The following ACACB variants were observed in gnomAD, a reference collection of about 807,000 sequenced individuals.
ACACB encodes the protein acetyl-CoA carboxylase 2.
In ACACB, 209 loss-of-function variants were observed where a neutral mutation model predicts 278.8. That is an observed-to-expected ratio of 0.75 (90% CI 0.67 to 0.84). The LOEUF is 0.84. ACACB is among the 40% of genes least tolerant of loss of function. The pLI is 0.00. For missense variants in ACACB, 2,850 were observed against 3,269.0 expected (o/e 0.87, Z 3.13); for synonymous variants, 1,174 against 1,285.6 (o/e 0.91, Z 1.86).
chr12:109,237,169 CAGA>C lies in ACACB; in HGVS notation c.4455_4457del (p.Glu1485del). The C allele has an allele frequency of 6.2e-7, 1 of 1,614,156 alleles. No individual in the cohort carries two copies. Among genetic ancestry groups the C allele is most frequent in the African/African-American group, 1.3e-5 (1 of 75,022 alleles). ...CTCTCTCTGGTCCGCCTACAGTTTGCAGAAGATCGCATTTACCGTCACTTGGAA... is the reference window on the plus strand; with the variant it reads ...CTCTCTCTGGTCCGCCTACAGTTTGCAGATCGCATTTACCGTCACTTGGAA... On this transcript the variant is annotated inframe_deletion, in exon 34 of 53. Transcript: ENST00000338432.
intron 15 of ACACB, among the ~76,000 whole-genome samples, chr12:109,192,848 A>G (rs539795946): frequency 9.9e-5 from 15 of 152,064 alleles, no homozygotes; most frequent in Non-Finnish European, 1.8e-4. Context: ...CTTTTTGCAT[A>G]GATGGGGTCT....
At chr12:109,238,615 A>AG in intron 34 of ACACB, among the ~76,000 whole-genome samples, 1 of 149,554 alleles carries the variant, frequency 6.7e-6, no homozygotes, top group East Asian at 1.9e-4. Context: ...CCCAGGCTGG[A>AG]GTGCAATGGC....
At chr12:109,128,987 G>A (rs1341522205) in intron 1 of ACACB, among the ~76,000 whole-genome samples, 1 of 151,608 alleles carries the variant, frequency 6.6e-6, no homozygotes, top group Non-Finnish European at 1.5e-5. Flanking sequence ...TTTATTTGTG[G>A]CCTGGACACA....
At chr12:109,260,053 G>C in intron 47 of ACACB, 1 of 1,354,250 alleles carries the variant, frequency 7.4e-7, no homozygotes, top group Non-Finnish European at 9.8e-7. Flanking sequence ...TTGCATTCTT[G>C]TTTTCATGTA....
At chr12:109,227,514 AC>A in intron 28 of ACACB, 25 bp downstream of exon 28, 1 of 1,604,296 alleles carries the variant, frequency 6.2e-7, no homozygotes, top group South Asian at 1.1e-5. Flanking sequence ...ACACCCAGGG[AC>A]GGCCTGTGTT....
intron 24 of ACACB, among the ~76,000 whole-genome samples, chr12:109,217,710 G>A (rs964134848): frequency 2.0e-5 from 3 of 152,076 alleles, no homozygotes; most frequent in Non-Finnish European, 4.4e-5. Flanking sequence ...TGAGGCAGGA[G>A]GATTGCTTGA....
intron 18 of ACACB, 103 bp from the exon 19 acceptor site, chr12:109,201,463 TG>T: frequency 7.1e-7 from 1 of 1,409,466 alleles, no homozygotes; most frequent in Non-Finnish European, 9.8e-7. Flanking sequence ...GGCGCGTCCC[TG>T]GGTAGTGTCC....
chr12:109,260,966 A>G (rs2047361252), intron 48 of ACACB, among the ~76,000 whole-genome samples: 1 of 152,226 alleles, frequency 6.6e-6, no homozygotes, highest in Non-Finnish European at 1.5e-5. Flanking sequence ...TCAGTTTTAT[A>G]TCCCAGGGTC....
At chr12:109,184,242 G>A (rs908534810) in intron 11 of ACACB, among the ~76,000 whole-genome samples, 3 of 151,916 alleles carry the variant, frequency 2.0e-5, no homozygotes, top group Non-Finnish European at 4.4e-5. Flanking sequence ...TAGTAGAGAC[G>A]GGGCTTCACC....
At chr12:109,169,285 C>T (rs1383818046) in intron 4 of ACACB, among the ~76,000 whole-genome samples, 1 of 152,112 alleles carries the variant, frequency 6.6e-6, no homozygotes, top group African/African-American at 2.4e-5. Flanking sequence ...GCCTTCCTGC[C>T]CCAAGCTCTT....
At chr12:109,129,513 A>G (rs998728219) in intron 1 of ACACB, among the ~76,000 whole-genome samples, 1 of 152,208 alleles carries the variant, frequency 6.6e-6, no homozygotes, top group African/African-American at 2.4e-5. Context: ...TGTGGGCATT[A>G]AAAAAATAAT....
chr12:109,227,299 G>A, intron 27 of ACACB, 72 bp from the exon 28 acceptor site: 1 of 1,339,094 alleles, frequency 7.5e-7, no homozygotes, highest in South Asian at 1.3e-5. Context: ...TGTTCCCCGT[G>A]AGTGCCCTCA....
At chr12:109,254,835 C>T (rs1485929141) in intron 44 of ACACB, among the ~76,000 whole-genome samples, 1 of 151,326 alleles carries the variant, frequency 6.6e-6, no homozygotes, top group Non-Finnish European at 1.5e-5. Flanking sequence ...AGTGCAGTGG[C>T]GCGATCTTGG....
chr12:109,189,564 C>T (rs2044789106), intron 13 of ACACB, among the ~76,000 whole-genome samples: 1 of 152,158 alleles, frequency 6.6e-6, no homozygotes, highest in South Asian at 2.1e-4. Context: ...GTTTTCCTGG[C>T]ACCGGTTTCT....
chr12:109,122,285 C>T (rs996149463), intron 1 of ACACB, among the ~76,000 whole-genome samples: 2 of 152,206 alleles, frequency 1.3e-5, no homozygotes, highest in African/African-American at 4.8e-5. Flanking sequence ...TGCTACTGGT[C>T]TCACAAGGTG....
chr12:109,210,417 GTA>G (rs1202764650), intron 21 of ACACB, among the ~76,000 whole-genome samples: 1 of 140,214 alleles, frequency 7.1e-6, no homozygotes, highest in Non-Finnish European at 1.5e-5. Context: ...ACACACATGT[GTA>G]TATATGTATA....
intron 33 of ACACB, chr12:109,236,100 G>C (rs1183742073): frequency 6.2e-6 from 1 of 160,036 alleles, no homozygotes; most frequent in East Asian, 1.8e-4. Flanking sequence ...CCGAATAGCT[G>C]GGACTATAGG....
rs745476744 is a variant in ACACB, at chr12:109,139,878, AG to A, written c.474del (p.Arg159GlyfsTer3). On this transcript the variant is annotated frameshift_variant, in exon 2 of 53. Coordinates refer to ENST00000338432, the MANE Select transcript of ACACB (RefSeq NM_001093.4). LOFTEE classifies it high-confidence loss of function. ...SKEDKKQANIKRQLMTNFILG... is the reference protein window; with the variant it reads ...SKEDKKQANIXRQLMTNFILG... ...GAAGACAAGAAGCAGGCAAACATCA[AG>A]AGGCAGCTGATGACCAACTTCATCC... is the stretch of plus-strand genomic sequence containing the variant. The A allele has an allele frequency of 6.2e-6, 10 of 1,614,096 alleles. No individual in the cohort carries two copies. In the African/African-American group the frequency reaches 1.1e-4, roughly 17 times the overall value.
intron 41 of ACACB, among the ~76,000 whole-genome samples, chr12:109,251,684 T>C (rs1445592967): frequency 2.0e-5 from 3 of 152,180 alleles, no homozygotes; most frequent in Non-Finnish European, 4.4e-5. Context: ...ATTTTGAATT[T>C]CACCAGTTTT....
Sources: gnomAD v4.1 joint callset for allele counts (sites outside exome capture counted in the v4.1 genomes callset) on GRCh38, gnomAD v4.1.1 for gene constraint, MANE v1.5 for transcripts, NCBI Gene and HGNC (gene_info 2026-07-23, HGNC 2026-07-21) for gene names.